FHOD3: variants seen among roughly 807,000 people sequenced by gnomAD.
FHOD3 encodes formin homology 2 domain containing 3.
A neutral mutation model predicts 173.0 loss-of-function variants in FHOD3; 90 were observed. That is an observed-to-expected ratio of 0.52 (90% CI 0.44 to 0.62). The LOEUF is 0.62. Ranked by LOEUF, FHOD3 falls within the 20% of genes least tolerant of loss-of-function variation. The pLI is 0.00. For synonymous variants in FHOD3, 828 were observed against 823.0 expected, an observed-to-expected ratio of 1.01 and a Z score of -0.10; for missense variants, 1,945 against 2,034.7, an observed-to-expected ratio of 0.96 and a Z score of 0.85.
At chr18:36,430,483 C>T (rs2050475687) in intron 3 of FHOD3, among the ~76,000 whole-genome samples, 1 of 152,228 alleles carries the variant, frequency 6.6e-6, no homozygotes, top group South Asian at 2.1e-4. Context: ...CCCAAAAGTG[C>T]TGGGATTACA....
intron 27 of FHOD3, among the ~76,000 whole-genome samples, chr18:36,768,574 T>G (rs1207386757): frequency 6.6e-6 from 1 of 152,164 alleles, no homozygotes; most frequent in African/African-American, 2.4e-5. Context: ...TGGTGATGCT[T>G]TCTTCTGACT....
chr18:36,707,152 C>G (rs986742941), intron 17 of FHOD3, among the ~76,000 whole-genome samples: 1 of 152,176 alleles, frequency 6.6e-6, no homozygotes, highest in African/African-American at 2.4e-5. Flanking sequence ...AGCTGTGTGC[C>G]CATTGGCTTC....
intron 1 of FHOD3, among the ~76,000 whole-genome samples, chr18:36,321,298 C>T (rs537025653): frequency 6.6e-6 from 1 of 152,184 alleles, no homozygotes; most frequent in African/African-American, 2.4e-5. Flanking sequence ...CTTGCTGAGC[C>T]CAGTGCTCCC....
At chr18:36,387,063 A>G (rs2048069599) in intron 3 of FHOD3, among the ~76,000 whole-genome samples, 1 of 152,162 alleles carries the variant, frequency 6.6e-6, no homozygotes, top group African/African-American at 2.4e-5. Flanking sequence ...TTAGGAGCCA[A>G]AAATACCCTC....
At chr18:36,447,610 G>A (rs2051571402) in intron 3 of FHOD3, among the ~76,000 whole-genome samples, 1 of 152,168 alleles carries the variant, frequency 6.6e-6, no homozygotes, top group Admixed American at 6.5e-5. Context: ...AAAAGGGCTG[G>A]GGGAGATTGG....
Position 36,704,740 on chromosome 18 carries a change from G to A in FHOD3, c.2237-4355G>A, listed in dbSNP as rs983614358. 2.6e-5 allele frequency among the ~76,000 whole-genome samples: 4 copies of A among 152,124 alleles called. No homozygotes were observed. In the East Asian group the frequency reaches 5.8e-4, roughly 22 times the overall value. ...CCAGAGCCCTCCCCATAGAGAGATCGTGAGGGCTTCGGAAGGCAGTTCCTG... is the reference window on the plus strand; with the variant it reads ...CCAGAGCCCTCCCCATAGAGAGATCATGAGGGCTTCGGAAGGCAGTTCCTG... On this transcript the variant is annotated intron_variant, in intron 17 of 28. Coordinates refer to ENST00000590592, the MANE Select transcript of FHOD3 (RefSeq NM_001281740.3).
intron 5 of FHOD3, among the ~76,000 whole-genome samples, chr18:36,573,024 A>G (rs1256484333): frequency 6.6e-6 from 1 of 150,494 alleles, no homozygotes; most frequent in Non-Finnish European, 1.5e-5. Context: ...GAGCTCTTCC[A>G]TGAGGTAGGG....
At chr18:36,749,640 C>T (rs1048349021) in intron 24 of FHOD3, among the ~76,000 whole-genome samples, 8 of 152,240 alleles carry the variant, frequency 5.3e-5, no homozygotes, top group African/African-American at 1.7e-4. Context: ...AATGAACATT[C>T]GTGTGCATGT....
intron 7 of FHOD3, among the ~76,000 whole-genome samples, chr18:36,599,405 C>A (rs4799874): frequency 0.7 from 106,779 of 152,176 alleles, 37,635 homozygotes; most frequent in South Asian, 0.83. Flanking sequence ...CAAGCGATCC[C>A]ATCTCTACTT....
At chr18:36,650,106 A>C (rs1446822699) in intron 11 of FHOD3, among the ~76,000 whole-genome samples, 1 of 152,186 alleles carries the variant, frequency 6.6e-6, no homozygotes, top group Non-Finnish European at 1.5e-5. Context: ...AAACAGTAAA[A>C]ATTGCTCATG....
chr18:36,393,589 G>A (rs989618746), intron 3 of FHOD3, among the ~76,000 whole-genome samples: 2 of 152,146 alleles, frequency 1.3e-5, no homozygotes, highest in African/African-American at 2.4e-5. Flanking sequence ...GAAGCTGTCC[G>A]TAATCCCCAC....
chr18:36,369,275 T>C (rs1027159297), intron 2 of FHOD3, among the ~76,000 whole-genome samples: 1 of 152,142 alleles, frequency 6.6e-6, no homozygotes, highest in African/African-American at 2.4e-5. Flanking sequence ...AAAAAGATTT[T>C]TAGAATCAGT....
chr18:36,493,705 C>A (rs913112636), intron 3 of FHOD3, among the ~76,000 whole-genome samples: 1 of 152,184 alleles, frequency 6.6e-6, no homozygotes. Flanking sequence ...CCTGAAAAAC[C>A]ATGATGGTTG....
chr18:36,570,381 C>G (rs182372873), intron 5 of FHOD3, among the ~76,000 whole-genome samples: 66 of 152,210 alleles, frequency 4.3e-4, no homozygotes, highest in Non-Finnish European at 1.6e-4. Flanking sequence ...ATTACTGTAA[C>G]TATTAAAGAA....
At chr18:36,481,114 T>G (rs2053868335) in intron 3 of FHOD3, among the ~76,000 whole-genome samples, 1 of 145,410 alleles carries the variant, frequency 6.9e-6, no homozygotes, top group Non-Finnish European at 1.5e-5. Flanking sequence ...GAAATAAACC[T>G]TAATTTCCCT....
rs543574583 is a variant in FHOD3 at position 36,399,374 on chromosome 18, A to G, written c.337+26630A>G. 6.6e-5 allele frequency among the ~76,000 whole-genome samples: 10 copies of G among 152,320 alleles called. No individual in the cohort carries two copies. The South Asian group carries it at 2.1e-3, about 32-fold the overall frequency. On this transcript the variant is annotated intron_variant, in intron 3 of 28. Transcript: ENST00000590592. ...CACCTATGGGTCTGTGAGCTGTCTC[A>G]CTTGAGTACGACTAGACATGTATTT... is the stretch of plus-strand genomic sequence containing the variant.
chr18:36,616,084 T>C (rs2148671798), intron 9 of FHOD3, among the ~76,000 whole-genome samples: 2 of 152,316 alleles, frequency 1.3e-5, no homozygotes, highest in African/African-American at 4.8e-5. Context: ...GAGTATGTTC[T>C]CATGGCTCCT....
intron 4 of FHOD3, among the ~76,000 whole-genome samples, chr18:36,503,804 C>T (rs1568357343): frequency 6.6e-6 from 1 of 152,178 alleles, no homozygotes; most frequent in Non-Finnish European, 1.5e-5. Context: ...ACATGGAAGT[C>T]CTTCTTGATC....
chr18:36,537,710 T>C (rs2057052686), intron 5 of FHOD3, among the ~76,000 whole-genome samples: 2 of 152,122 alleles, frequency 1.3e-5, no homozygotes, highest in Admixed American at 1.3e-4. Flanking sequence ...AAGCAAAAAC[T>C]GATAGAACTG....
Sources: gnomAD v4.1 joint callset for allele counts (sites outside exome capture counted in the v4.1 genomes callset) on GRCh38, gnomAD v4.1.1 for gene constraint, MANE v1.5 for transcripts, NCBI Gene and HGNC (gene_info 2026-07-23, HGNC 2026-07-21) for gene names.